JMJD1C: variants seen among roughly 807,000 people sequenced by gnomAD.
JMJD1C encodes jumonji domain containing 1C.
In JMJD1C, 31 loss-of-function variants were observed where a neutral mutation model predicts 245.3. That is an observed-to-expected ratio of 0.13 (90% CI 0.09 to 0.17). The LOEUF (loss-of-function observed/expected upper bound fraction) is 0.17, where lower values mean the gene tolerates loss of function less well. JMJD1C is among the 10% of genes least tolerant of loss of function. The pLI, the probability that JMJD1C is intolerant of heterozygous loss-of-function variation, is 1.00. For missense variants in JMJD1C, 2,691 were observed against 3,000.2 expected, an observed-to-expected ratio of 0.90 and a Z score of 2.41; for synonymous variants, 1,057 against 1,017.4, an observed-to-expected ratio of 1.04 and a Z score of -0.74.
At chr10:63,266,115 G>A (rs1053918932) in intron 2 of JMJD1C, among the ~76,000 whole-genome samples, 4 of 151,844 alleles carry the variant, frequency 2.6e-5, no homozygotes, top group Non-Finnish European at 5.9e-5. Flanking sequence ...TCTACATCAT[G>A]AAGTTACAAA....
intron 1 of JMJD1C, among the ~76,000 whole-genome samples, chr10:63,503,854 G>A (rs887177962): frequency 2.6e-5 from 4 of 152,186 alleles, no homozygotes; most frequent in South Asian, 4.1e-4. Flanking sequence ...ACTGCTTAGA[G>A]TATGATCATT....
chr10:63,199,431 T>C (rs1213834585), intron 11 of JMJD1C, among the ~76,000 whole-genome samples: 1 of 152,186 alleles, frequency 6.6e-6, no homozygotes, highest in Non-Finnish European at 1.5e-5. Context: ...ATTTTTCATA[T>C]GAACAGCAAC....
At chr10:63,331,418 A>G (rs368118025) in intron 2 of JMJD1C, among the ~76,000 whole-genome samples, 81 of 152,326 alleles carry the variant, frequency 5.3e-4, no homozygotes, top group African/African-American at 1.9e-3. Flanking sequence ...TTTCCAATAC[A>G]TTCGCTTACA....
intron 1 of JMJD1C, among the ~76,000 whole-genome samples, chr10:63,456,965 A>ATTT (rs1469281753): frequency 9.9e-5 from 15 of 152,162 alleles, no homozygotes; most frequent in Admixed American, 9.8e-4. Context: ...CTAAGACATT[A>ATTT]TTTGCCTTTT....
chr10:63,201,065 C>T (rs997007883), intron 10 of JMJD1C, among the ~76,000 whole-genome samples: 6 of 152,140 alleles, frequency 3.9e-5, no homozygotes, highest in African/African-American at 1.4e-4. Context: ...TAGGAGAAAG[C>T]TCTTTCAAGA....
chr10:63,384,495 T>C (rs1329783781), intron 1 of JMJD1C, among the ~76,000 whole-genome samples: 1 of 152,142 alleles, frequency 6.6e-6, no homozygotes, highest in Admixed American at 6.5e-5. Context: ...ATTAATCTCC[T>C]TGAGAGCTCT....
intron 3 of JMJD1C, chr10:63,222,968 G>A (rs1423713585): frequency 1.4e-6 from 2 of 1,461,962 alleles, no homozygotes; most frequent in Non-Finnish European, 9.6e-7. Flanking sequence ...GATAATGTCA[G>A]CAGTGAGAGA....
chr10:63,204,107 T>G, intron 10 of JMJD1C: 1 of 930,040 alleles, frequency 1.1e-6, no homozygotes, highest in African/African-American at 1.8e-5. Flanking sequence ...GTCTGGGCAA[T>G]GTAGGGAGAC....
At chr10:63,460,121 C>T (rs949725118) in intron 1 of JMJD1C, among the ~76,000 whole-genome samples, 6 of 152,112 alleles carry the variant, frequency 3.9e-5, no homozygotes, top group Admixed American at 6.5e-5. Flanking sequence ...AATCATGGCC[C>T]ATCCTGTAGT....
intron 2 of JMJD1C, among the ~76,000 whole-genome samples, chr10:63,273,987 TGGAA>T (rs1856559951): frequency 1.1e-4 from 16 of 152,142 alleles, no homozygotes; most frequent in Admixed American, 1.0e-3. Context: ...TTTATACACG[TGGAA>T]GCCTAAACAA....
chr10:63,376,741 T>C (rs1314704449), intron 2 of JMJD1C, among the ~76,000 whole-genome samples: 1 of 152,148 alleles, frequency 6.6e-6, no homozygotes, highest in Non-Finnish European at 1.5e-5. Flanking sequence ...ATTTCACACC[T>C]ACTGAGAAAG....
chr10:63,186,666 G>T (rs1003015590), intron 18 of JMJD1C, among the ~76,000 whole-genome samples: 2 of 152,104 alleles, frequency 1.3e-5, no homozygotes, highest in Admixed American at 1.3e-4. Context: ...CTTACACTTG[G>T]TGGCGGAGGG....
chr10:63,182,570 T>C (rs1843618728), intron 22 of JMJD1C, among the ~76,000 whole-genome samples: 1 of 152,176 alleles, frequency 6.6e-6, no homozygotes, highest in Non-Finnish European at 1.5e-5. Flanking sequence ...AAAATCATCT[T>C]AGACTCTGCT....
chr10:63,508,386 T>TA (rs1297388837), intron 1 of JMJD1C, among the ~76,000 whole-genome samples: 6 of 152,226 alleles, frequency 3.9e-5, no homozygotes, highest in Non-Finnish European at 8.8e-5. Flanking sequence ...ACTGCAGTCT[T>TA]ACAGTAAGTC....
chr10:63,227,902 A>T (rs746679824), intron 3 of JMJD1C, among the ~76,000 whole-genome samples: 7 of 152,340 alleles, frequency 4.6e-5, no homozygotes, highest in Non-Finnish European at 8.8e-5. Context: ...CAAGAGTGAC[A>T]TTAATTTTTA....
intron 1 of JMJD1C, among the ~76,000 whole-genome samples, chr10:63,416,605 G>T (rs919708132): frequency 1.3e-5 from 2 of 152,116 alleles, no homozygotes; most frequent in African/African-American, 2.4e-5. Context: ...CTAAAGGTCA[G>T]ATTTCCACTG....
chr10:63,426,286 G>A (rs1950434493), intron 1 of JMJD1C, among the ~76,000 whole-genome samples: 1 of 152,072 alleles, frequency 6.6e-6, no homozygotes, highest in Non-Finnish European at 1.5e-5. Flanking sequence ...TGGGGCCCAG[G>A]AGTTCAAGGC....
chr10:63,334,703 A>G (rs1354134984), intron 2 of JMJD1C, among the ~76,000 whole-genome samples: 2 of 149,638 alleles, frequency 1.3e-5, no homozygotes, highest in Admixed American at 6.7e-5. Context: ...CCTGGGCAAC[A>G]GAATGAGACT....
intron 2 of JMJD1C, 187 bp downstream of exon 2, chr10:63,380,126 TAGAGA>T (rs1947094696): frequency 2.3e-6 from 1 of 434,948 alleles, no homozygotes; most frequent in African/African-American, 2.1e-5. Flanking sequence ...TTTTTTTTGG[TAGAGA>T]TGGGGTCTCG....
Sources: gnomAD v4.1 joint callset for allele counts (sites outside exome capture counted in the v4.1 genomes callset) on GRCh38, gnomAD v4.1.1 for gene constraint, MANE v1.5 for transcripts, NCBI Gene and HGNC (gene_info 2026-07-23, HGNC 2026-07-21) for gene names.